Variants in RGS6 observed in about 807,000 individuals in gnomAD.
The protein encoded by RGS6 is regulator of G-protein signaling 6.
In RGS6, 30 loss-of-function variants were observed where a neutral mutation model predicts 78.5. That is an observed-to-expected ratio of 0.38 (90% CI 0.29 to 0.52). The LOEUF (loss-of-function observed/expected upper bound fraction) is 0.52. Ranked by LOEUF, RGS6 falls within the 20% of genes least tolerant of loss-of-function variation. The pLI is 0.85. For missense variants in RGS6, 495 were observed against 609.7 expected (o/e 0.81, Z 1.98); for synonymous variants, 206 against 206.0 (o/e 1.00, Z 0.00).
chr14:72,183,490 G>T lies in RGS6; in HGVS notation c.85-168605G>T, dbSNP rs992063596. Among the ~76,000 whole-genome samples the T allele has an allele frequency of 7.2e-5, 11 of 152,162 alleles. No individual in the cohort carries two copies. In the East Asian group the frequency reaches 7.7e-4, roughly 11 times the overall value. On this transcript the variant is annotated intron_variant, in intron 2 of 17. Transcript: ENST00000553525. ...TAATTGCAGGTAGAGTTTTATATCT[G>T]GGTCTGCAGTGGTTTGATCATTGAC... is the stretch of plus-strand genomic sequence containing the variant.
chr14:72,230,048 C>G (rs915367236), intron 2 of RGS6, among the ~76,000 whole-genome samples: 3 of 152,288 alleles, frequency 2.0e-5, no homozygotes, highest in Admixed American at 6.5e-5. Flanking sequence ...GCCTGAGCTC[C>G]TTATCATCTG....
chr14:72,266,385 C>A (rs1378309440), intron 2 of RGS6, among the ~76,000 whole-genome samples: 2 of 152,144 alleles, frequency 1.3e-5, no homozygotes, highest in African/African-American at 2.4e-5. Context: ...GGCCCAGGAT[C>A]CTCTCTGCTG....
chr14:72,172,903 G>T (rs1296632280), intron 2 of RGS6, among the ~76,000 whole-genome samples: 2 of 152,192 alleles, frequency 1.3e-5, no homozygotes, highest in Non-Finnish European at 2.9e-5. Context: ...TTCAGCAGAG[G>T]ACTGCACGAG....
intron 9 of RGS6, 110 bp downstream of exon 9, chr14:72,473,063 T>C: frequency 1.4e-6 from 1 of 706,812 alleles, no homozygotes; most frequent in East Asian, 2.9e-5. Context: ...CTTAAGAAAA[T>C]CGCTCAGCTT....
intron 17 of RGS6, among the ~76,000 whole-genome samples, chr14:72,547,673 G>A (rs898806131): frequency 6.6e-6 from 1 of 152,116 alleles, no homozygotes; most frequent in Non-Finnish European, 1.5e-5. Flanking sequence ...TGTTTGCTTA[G>A]TGGCTTCCCA....
chr14:72,054,288 C>T (rs919058055), intron 2 of RGS6, among the ~76,000 whole-genome samples: 1 of 151,148 alleles, frequency 6.6e-6, no homozygotes, highest in Non-Finnish European at 1.5e-5. Context: ...TTTTGTTTTT[C>T]CTTCTTTCAT....
At chr14:72,118,602 G>A (rs895762547) in intron 2 of RGS6, among the ~76,000 whole-genome samples, 2 of 152,142 alleles carry the variant, frequency 1.3e-5, no homozygotes, top group Admixed American at 6.5e-5. Context: ...GTAAACCCAG[G>A]TTTCCAAAAT....
At chr14:72,560,997 A>G (rs554369033) in intron 17 of RGS6, among the ~76,000 whole-genome samples, 2 of 152,150 alleles carry the variant, frequency 1.3e-5, no homozygotes, top group South Asian at 4.1e-4. Context: ...CATCTATAGC[A>G]CCAGAATTCT....
At chr14:72,364,031 A>G (rs970747837) in intron 3 of RGS6, among the ~76,000 whole-genome samples, 1 of 147,498 alleles carries the variant, frequency 6.8e-6, no homozygotes, top group Admixed American at 6.9e-5. Context: ...AAAAAACTCT[A>G]TATTTATATG....
chr14:72,290,381 C>A (rs1360119339), intron 2 of RGS6, among the ~76,000 whole-genome samples: 1 of 152,202 alleles, frequency 6.6e-6, no homozygotes, highest in African/African-American at 2.4e-5. Flanking sequence ...GACTTCCCGG[C>A]ATGTTTTCGA....
intron 2 of RGS6, among the ~76,000 whole-genome samples, chr14:72,321,000 A>G (rs1215911574): frequency 6.6e-6 from 1 of 150,772 alleles, no homozygotes; most frequent in Non-Finnish European, 1.5e-5. Context: ...TGTTAGTTTG[A>G]AATATATATG....
chr14:72,230,007 G>A (rs1275024614), intron 2 of RGS6, among the ~76,000 whole-genome samples: 3 of 152,204 alleles, frequency 2.0e-5, no homozygotes, highest in Non-Finnish European at 2.9e-5. Context: ...GGGCGATGTA[G>A]TGTATTTTGG....
In RGS6 at chr14:72,242,998, G is replaced by A. The variant is rs556199452; in HGVS notation, c.85-109097G>A. Among the ~76,000 whole-genome samples, 51 of 151,840 alleles carry A rather than the reference G, an allele frequency of 3.4e-4. No homozygotes were observed. In the South Asian group the frequency reaches 5.6e-3, roughly 17 times the overall value. On this transcript the variant is annotated intron_variant, in intron 2 of 17. Coordinates refer to ENST00000553525, the MANE Select transcript of RGS6 (RefSeq NM_001204424.2). ...TAAGTAGCTGGGATTACAGGCGCGC[G>A]CCACCACACCTGGCTTTTTGTGTGT... is the stretch of plus-strand genomic sequence containing the variant.
the RGS6 span, among the ~76,000 whole-genome samples, chr14:72,606,899 C>T: frequency 6.6e-6 from 1 of 152,158 alleles, no homozygotes; most frequent in African/African-American, 2.4e-5. Flanking sequence ...CCATGTGACA[C>T]ACCTGCTCCT....
At chr14:72,109,149 T>G (rs2095698455) in intron 2 of RGS6, among the ~76,000 whole-genome samples, 2 of 152,102 alleles carry the variant, frequency 1.3e-5, no homozygotes, top group Admixed American at 1.3e-4. Context: ...TTTTTCTTTC[T>G]GTTTTGCTCA....
chr14:72,394,366 C>T (rs1239279090), intron 3 of RGS6, among the ~76,000 whole-genome samples: 1 of 151,974 alleles, frequency 6.6e-6, no homozygotes, highest in East Asian at 1.9e-4. Flanking sequence ...TATGACAAGG[C>T]AAATGGAGGT....
At chr14:72,354,552 C>T (rs1566608078) in intron 3 of RGS6, among the ~76,000 whole-genome samples, 1 of 151,938 alleles carries the variant, frequency 6.6e-6, no homozygotes, top group Non-Finnish European at 1.5e-5. Flanking sequence ...AGGAAAATCA[C>T]TTGAACTGTG....
chr14:72,277,220 G>A (rs1432509804), intron 2 of RGS6, among the ~76,000 whole-genome samples: 2 of 152,188 alleles, frequency 1.3e-5, no homozygotes, highest in Non-Finnish European at 1.5e-5. Flanking sequence ...TGCATCAGAG[G>A]AGGCCTCTTT....
chr14:72,151,115 A>G (rs1403710451), intron 2 of RGS6, among the ~76,000 whole-genome samples: 1 of 152,246 alleles, frequency 6.6e-6, no homozygotes, highest in Non-Finnish European at 1.5e-5. Context: ...ACAAAGGGAC[A>G]CGTAGAACGA....
Sources: allele counts gnomAD v4.1 joint callset (sites outside exome capture counted in the v4.1 genomes callset), GRCh38; gene constraint gnomAD v4.1.1; transcripts MANE v1.5; gene names NCBI Gene and HGNC (gene_info 2026-07-23, HGNC 2026-07-21).